The following CELF5 variants were observed in gnomAD, a reference collection of about 807,000 sequenced individuals.
CELF5 encodes CUG-BP and ETR-3 like factor 5.
Under a neutral mutation model 54.9 loss-of-function variants are expected in CELF5, and 6 were observed. The observed-to-expected ratio is 0.11, with a 90% confidence interval of 0.06 to 0.22. The LOEUF (loss-of-function observed/expected upper bound fraction) is 0.22. Ranked by LOEUF, CELF5 falls within the 10% of genes least tolerant of loss-of-function variation. CELF5 has a pLI of 1.00. For synonymous variants in CELF5, 271 were observed against 290.9 expected (o/e 0.93, Z 0.70); for missense variants, 401 against 678.6 (o/e 0.59, Z 4.54).
At chr19:3,269,064 G>A (rs866851746) in intron 2 of CELF5, among the ~76,000 whole-genome samples, 5 of 152,102 alleles carry the variant, frequency 3.3e-5, no homozygotes, top group African/African-American at 1.2e-4. Flanking sequence ...GGCTGGACTG[G>A]GGCCTAGGTG....
chr19:3,274,606 G>A (rs10412982), intron 3 of CELF5, among the ~76,000 whole-genome samples: 42,459 of 152,104 alleles, frequency 0.28, 6,374 homozygotes, highest in African/African-American at 0.39. Context: ...GGACCTTGGT[G>A]TCAGGGTGTG....
rs559177257 is a variant in CELF5 at position 3,271,189 on chromosome 19, G to A, written c.343-2683G>A. Among the ~76,000 whole-genome samples, 26 of 151,096 alleles carry A rather than the reference G, an allele frequency of 1.7e-4. No individual in the cohort carries two copies. In the East Asian group the frequency reaches 4.9e-3, roughly 29 times the overall value. On this transcript the variant is annotated intron_variant, in intron 2 of 12. Transcript: ENST00000292672. Reference sequence around the variant, plus strand: ...GAGGAGGTGAGGGCCAACGGAGGTGGGGTGGGAGGGGTGGGGGGAGCAGGA... The same window carrying A: ...GAGGAGGTGAGGGCCAACGGAGGTGAGGTGGGAGGGGTGGGGGGAGCAGGA...
In CELF5 at chr19:3,282,616, G is replaced by C. The variant is rs1052097391; in HGVS notation, c.1039+118G>C. The stretch of plus-strand genomic sequence containing the variant: ...CAGGGAACAGAAGGGCAGGAAAAAG[G>C]GTGTCTCCGCTGAGCAGATAAGAGC... On this transcript the variant is annotated intron_variant, in intron 8 of 12. Transcript: ENST00000292672. This position sits in a 1 kb window ranked among gnomAD's most constrained non-coding sequence, Gnocchi z 5.2. 2.5e-6 allele frequency: 3 copies of C among 1,205,374 alleles called. No homozygotes were observed. Among genetic ancestry groups the C allele is most frequent in the Non-Finnish European group, 2.3e-6 (2 of 869,808 alleles). The allele number at this position is 1,205,374 out of a possible 1,614,324, so 74.7% of individuals were successfully genotyped here. A position where few individuals can be genotyped will look rare whatever the true frequency, so the allele number is the denominator to read the frequency against.
chr19:3,267,808 G>A (rs2079903942), intron 2 of CELF5, among the ~76,000 whole-genome samples: 1 of 139,212 alleles, frequency 7.2e-6, no homozygotes. Context: ...TCTGTGCAGG[G>A]TCACAGAGGT....
chr19:3,238,344 AG>A (rs141927987), intron 1 of CELF5, among the ~76,000 whole-genome samples: 23,502 of 152,030 alleles, frequency 0.15, 2,071 homozygotes, highest in East Asian at 0.24. Flanking sequence ...GGCCCAAACC[AG>A]GGTTCATGTC....
intron 2 of CELF5, among the ~76,000 whole-genome samples, chr19:3,262,824 A>C (rs2079823675): frequency 6.6e-6 from 1 of 152,058 alleles, no homozygotes; most frequent in Admixed American, 6.6e-5. Context: ...CTGTCATCCC[A>C]GCTACTTGGG....
At position 3,278,703 on chromosome 19, in the gene CELF5, G is replaced by T. The variant is rs1453119140; in HGVS notation, c.603+593G>T. 1.4e-5 allele frequency among the ~76,000 whole-genome samples: 2 copies of T among 142,120 alleles called. No individual in the cohort carries two copies. The highest frequency in any genetic ancestry group is 7.2e-5 in the Admixed American group (1 of 13,814). 93.2% of individuals were successfully genotyped at this position (142,120 alleles called of 152,430 possible). Reference sequence around the variant, plus strand: ...TTTGTGTGTGTGTGTGTGTGTGTTTGTGTGTGTGCATGACTGTGAGTGTGT... The same window carrying T: ...TTTGTGTGTGTGTGTGTGTGTGTTTTTGTGTGTGCATGACTGTGAGTGTGT... On this transcript the variant is annotated intron_variant, in intron 5 of 12. Transcript: ENST00000292672. This position sits in a 1 kb window ranked among gnomAD's most constrained non-coding sequence, Gnocchi z 4.5.
At chr19:3,226,624 C>T (rs1325362070) in intron 1 of CELF5, among the ~76,000 whole-genome samples, 1 of 152,138 alleles carries the variant, frequency 6.6e-6, no homozygotes, top group Non-Finnish European at 1.5e-5. Flanking sequence ...CCCAAAGCAC[C>T]CATTTCTAGA....
chr19:3,263,859 T>C lies in CELF5; in HGVS notation c.343-10013T>C, dbSNP rs557736797. 1.4e-4 allele frequency among the ~76,000 whole-genome samples: 21 copies of C among 152,128 alleles called. No homozygotes were observed. The East Asian group carries it at 2.5e-3, about 18-fold the overall frequency. On this transcript the variant is annotated intron_variant, in intron 2 of 12. Transcript: ENST00000292672. The stretch of plus-strand genomic sequence containing the variant: ...TATGGAGGCTGCAGTGAGCCGAGAT[T>C]GCACCACTGCACTCCAGGCTGGGCG...
intron 1 of CELF5, among the ~76,000 whole-genome samples, chr19:3,245,127 G>A (rs533325248): frequency 2.0e-5 from 3 of 149,170 alleles, no homozygotes; most frequent in African/African-American, 7.4e-5. Flanking sequence ...ATGTGTGTGT[G>A]TAGTGTGTGG....
intron 12 of CELF5, chr19:3,294,105 G>C (rs1452054086): frequency 2.0e-5 from 3 of 152,118 alleles, no homozygotes; most frequent in Non-Finnish European, 4.4e-5. Context: ...AGTGGGATTC[G>C]TGCCCCACCC....
At position 3,228,683 on chromosome 19, in the gene CELF5, C is replaced by T. The variant is rs1193785703; in HGVS notation, c.259+3685C>T. Reference sequence around the variant, plus strand: ...TCCATGGGAGCACCAGCTGCCGGCTCGACTCGGGAGGGGGGGAGGAGGAGG... The same window carrying T: ...TCCATGGGAGCACCAGCTGCCGGCTTGACTCGGGAGGGGGGGAGGAGGAGG... On this transcript the variant is annotated intron_variant, in intron 1 of 12. Coordinates refer to ENST00000292672, the MANE Select transcript of CELF5 (RefSeq NM_021938.4). This position sits in a 1 kb window ranked among gnomAD's most constrained non-coding sequence, Gnocchi z 6.0. Among the ~76,000 whole-genome samples, 1 of 147,252 alleles carries T rather than the reference C, an allele frequency of 6.8e-6. No individual in the cohort carries two copies. The highest frequency in any genetic ancestry group is 1.5e-5 in the Non-Finnish European group (1 of 66,656).
intron 2 of CELF5, among the ~76,000 whole-genome samples, chr19:3,272,195 A>G (rs929477782): frequency 7.2e-5 from 11 of 152,020 alleles, no homozygotes; most frequent in African/African-American, 2.4e-4. Context: ...GTGAAACCCC[A>G]TCTCTACTAA....
At chr19:3,285,051 T>C in intron 9 of CELF5, 87 bp downstream of exon 9, 1 of 937,558 alleles carries the variant, frequency 1.1e-6, no homozygotes, top group Middle Eastern at 3.2e-4. Context: ...GGACGTGTCG[T>C]TCTTCTGTGC....
At chr19:3,267,909 G>T (rs1158179311) in intron 2 of CELF5, among the ~76,000 whole-genome samples, 1 of 152,140 alleles carries the variant, frequency 6.6e-6, no homozygotes, top group East Asian at 1.9e-4. Flanking sequence ...TGGGCAAGGG[G>T]CCTTAAGACG....
rs567292268 is a variant in CELF5, at chr19:3,255,244, G to A, written c.342+4177G>A. Among the ~76,000 whole-genome samples the A allele has an allele frequency of 7.4e-4, 112 of 152,222 alleles. 1 individual carries two copies. Among genetic ancestry groups the A allele is most frequent in the African/African-American group, 2.5e-3 (105 of 41,530 alleles). ...CTGTCACCCAGGCTGGAGTGCAGTG[G>A]CTTGATCTCAGCTCACTGCAACTTC... On this transcript the variant is annotated intron_variant, in intron 2 of 12. Coordinates refer to ENST00000292672, the MANE Select transcript of CELF5 (RefSeq NM_021938.4).
intron 12 of CELF5, chr19:3,295,392 A>AT (rs2080420072): frequency 6.6e-6 from 1 of 151,980 alleles, no homozygotes; most frequent in Admixed American, 6.6e-5. Flanking sequence ...TATAGACAGT[A>AT]TATATATATT....
intron 2 of CELF5, among the ~76,000 whole-genome samples, chr19:3,257,022 C>T (rs57643778): frequency 0.2 from 30,527 of 151,958 alleles, 3,518 homozygotes; most frequent in East Asian, 0.54. Flanking sequence ...TAGCCCAGGC[C>T]CGTCCCGAAC....
Position 3,268,087 on chromosome 19 carries a change from CT to C in CELF5, c.343-5784del, listed in dbSNP as rs2079907952. Among the ~76,000 whole-genome samples, 1 of 152,130 alleles carries C rather than the reference CT, an allele frequency of 6.6e-6. No individual in the cohort carries two copies. Among genetic ancestry groups the C allele is most frequent in the South Asian group, 2.1e-4 (1 of 4,820 alleles). The stretch of plus-strand genomic sequence containing the variant: ...GATCTCAGCTCACTGCAACCTCGGC[CT>C]CCTGGGTTCAAGCAATTCTTCTGCC... On this transcript the variant is annotated intron_variant, in intron 2 of 12. Coordinates refer to ENST00000292672, the MANE Select transcript of CELF5 (RefSeq NM_021938.4). The surrounding 1 kb of genome is among the most constrained non-coding windows in gnomAD (Gnocchi z 4.4).
Sources: gnomAD v4.1 joint callset for allele counts (sites outside exome capture counted in the v4.1 genomes callset) on GRCh38, gnomAD v4.1.1 for gene constraint, Gnocchi (gnomAD v3.1) non-coding constraint, MANE v1.5 for transcripts, NCBI Gene and HGNC (gene_info 2026-07-23, HGNC 2026-07-21) for gene names.